KCNU1: variants seen among roughly 807,000 people sequenced by gnomAD.
KCNU1 encodes potassium channel subfamily U member 1.
In KCNU1, 93 loss-of-function variants were observed where a neutral mutation model predicts 126.8. The observed-to-expected ratio is 0.73, with a 90% CI of 0.62 to 0.87. KCNU1 has a LOEUF of 0.87. Among genes scored for constraint, KCNU1 ranks in the 40% least tolerant of loss-of-function variants. The pLI, the probability that KCNU1 is intolerant of heterozygous loss-of-function variation, is 0.00. For missense variants in KCNU1, 1,330 were observed against 1,367.1 expected (o/e 0.97, Z 0.43); for synonymous variants, 523 against 494.2 (o/e 1.06, Z -0.77).
chr8:36,913,600 A>ATT (rs11331239), intron 22 of KCNU1, among the ~76,000 whole-genome samples: 16 of 129,004 alleles, frequency 1.2e-4, no homozygotes, highest in East Asian at 1.1e-3. Context: ...GTGAGGTCAC[A>ATT]TTTTTTTTTT....
chr8:36,842,760 T>C (rs1002094207), intron 16 of KCNU1, among the ~76,000 whole-genome samples: 2 of 152,208 alleles, frequency 1.3e-5, no homozygotes, highest in African/African-American at 4.8e-5. Flanking sequence ...AACCTCCGCC[T>C]CCCAGGTTCA....
chr8:36,784,774 T>A (rs571103198), intron 1 of KCNU1, among the ~76,000 whole-genome samples, 169 bp downstream of exon 1: 1 of 152,346 alleles, frequency 6.6e-6, no homozygotes, highest in Non-Finnish European at 1.5e-5. Flanking sequence ...GGCCACATTC[T>A]GAGGCCTGAA....
intron 9 of KCNU1, among the ~76,000 whole-genome samples, chr8:36,816,941 A>G (rs990685094): frequency 3.6e-5 from 5 of 138,972 alleles, no homozygotes; most frequent in African/African-American, 1.4e-4. Flanking sequence ...TCAAGAAAAA[A>G]ACAAACAACA....
At chr8:36,933,665 T>G (rs1156869717) in intron 26 of KCNU1, among the ~76,000 whole-genome samples, 1 of 151,736 alleles carries the variant, frequency 6.6e-6, no homozygotes, top group Non-Finnish European at 1.5e-5. Flanking sequence ...CAGAAAGGAA[T>G]AGAGTGGAAA....
intron 23 of KCNU1, among the ~76,000 whole-genome samples, chr8:36,922,114 T>C (rs532438160): frequency 2.5e-4 from 38 of 152,058 alleles, no homozygotes; most frequent in Non-Finnish European, 4.9e-4. Flanking sequence ...GGGGTGACCA[T>C]GTGTTCCTAT....
intron 7 of KCNU1, among the ~76,000 whole-genome samples, chr8:36,811,398 G>T: frequency 6.6e-6 from 1 of 152,148 alleles, no homozygotes; most frequent in East Asian, 1.9e-4. Context: ...CTATACAGGG[G>T]GGAACCAATG....
chr8:36,792,468 G>A (rs1417653799), intron 2 of KCNU1, among the ~76,000 whole-genome samples: 2 of 152,160 alleles, frequency 1.3e-5, no homozygotes, highest in Non-Finnish European at 2.9e-5. Flanking sequence ...AGAAAGGGAA[G>A]GATGTCAACA....
chr8:36,898,786 T>G (rs1368444218), intron 19 of KCNU1, among the ~76,000 whole-genome samples: 1 of 152,028 alleles, frequency 6.6e-6, no homozygotes, highest in Non-Finnish European at 1.5e-5. Context: ...TTAGAAAGTG[T>G]TGGAGAGTGT....
chr8:36,851,660 A>G (rs1365870665), intron 18 of KCNU1, among the ~76,000 whole-genome samples: 2 of 152,164 alleles, frequency 1.3e-5, no homozygotes, highest in African/African-American at 2.4e-5. Context: ...TAGTTTTCAC[A>G]TCATAGGTTT....
intron 26 of KCNU1, among the ~76,000 whole-genome samples, chr8:36,933,534 T>C (rs1032556584): frequency 2.0e-5 from 3 of 151,932 alleles, no homozygotes; most frequent in Non-Finnish European, 2.9e-5. Flanking sequence ...CTGAGGAAGA[T>C]AGAAATGCAT....
chr8:36,805,898 C>G (rs1408816652), intron 4 of KCNU1, among the ~76,000 whole-genome samples: 1 of 152,056 alleles, frequency 6.6e-6, no homozygotes, highest in Non-Finnish European at 1.5e-5. Context: ...GGCTGCAGTA[C>G]AGTGAAGCGT....
intron 23 of KCNU1, 62 bp from the exon 24 acceptor site, chr8:36,922,428 T>A (rs2117586635): frequency 6.5e-7 from 1 of 1,544,100 alleles, no homozygotes; most frequent in South Asian, 1.2e-5. Flanking sequence ...CCTGCATGGA[T>A]GGCACTTCTT....
chr8:36,890,338 A>G (rs1806909005), intron 19 of KCNU1, among the ~76,000 whole-genome samples: 2 of 152,088 alleles, frequency 1.3e-5, no homozygotes, highest in South Asian at 4.1e-4. Context: ...TAGATACTTG[A>G]AATGAATGAC....
At chr8:36,934,717 T>C (rs1808802640) in intron 26 of KCNU1, among the ~76,000 whole-genome samples, 1 of 152,088 alleles carries the variant, frequency 6.6e-6, no homozygotes, top group South Asian at 2.1e-4. Flanking sequence ...AGATCTATGC[T>C]AGGAAAGAGT....
At chr8:36,901,798 T>G (rs1016606652) in intron 19 of KCNU1, among the ~76,000 whole-genome samples, 1 of 152,136 alleles carries the variant, frequency 6.6e-6, no homozygotes, top group Non-Finnish European at 1.5e-5. Context: ...CACATCCTGC[T>G]GAAGGCCACC....
intron 19 of KCNU1, among the ~76,000 whole-genome samples, chr8:36,893,990 A>G (rs1807081364): frequency 6.6e-6 from 1 of 152,094 alleles, no homozygotes; most frequent in Non-Finnish European, 1.5e-5. Flanking sequence ...GACACTTTTA[A>G]TCTGCAAGCC....
chr8:36,924,336 G>A (rs191021307), intron 24 of KCNU1, among the ~76,000 whole-genome samples: 3 of 152,172 alleles, frequency 2.0e-5, no homozygotes, highest in African/African-American at 7.2e-5. Flanking sequence ...ACAGTGAGAG[G>A]CATCATGCCT....
chr8:36,865,786 A>AG (rs1258001908), intron 19 of KCNU1, among the ~76,000 whole-genome samples: 2 of 151,122 alleles, frequency 1.3e-5, no homozygotes, highest in Non-Finnish European at 3.0e-5. Context: ...AAAAAAAAAA[A>AG]AAAAAAAAAA....
At position 36,845,862 on chromosome 8, in the gene KCNU1, CTG is replaced by C; in HGVS notation, c.1857_1858del (p.Cys619TrpfsTer56). 2.5e-6 allele frequency: 4 copies of C among 1,607,302 alleles called. No individual in the cohort carries two copies. Among genetic ancestry groups the C allele is most frequent in the Non-Finnish European group, 3.4e-6 (4 of 1,176,354 alleles). On this transcript the variant is annotated frameshift_variant, in exon 18 of 27. Transcript: ENST00000399881. LOFTEE classifies it high-confidence loss of function. ...TGTTCATTCCTGAGCTAATTACAAA[CTG>C]TGGCTGCAAAAGCAGAAGCCGGCAG... is the stretch of plus-strand genomic sequence containing the variant. ...DVFIPELITN[C>X]GCKSRSRQHI...
Sources: gnomAD v4.1 joint callset for allele counts (sites outside exome capture counted in the v4.1 genomes callset) on GRCh38, gnomAD v4.1.1 for gene constraint, MANE v1.5 for transcripts, NCBI Gene and HGNC (gene_info 2026-07-23, HGNC 2026-07-21) for gene names.